The following ZDHHC11B variants were observed in gnomAD, a reference collection of about 807,000 sequenced individuals.
ZDHHC11B encodes probable palmitoyltransferase ZDHHC11B.
A neutral mutation model predicts 42.3 loss-of-function variants in ZDHHC11B; 17 were observed. The observed-to-expected ratio is 0.40, with a 90% CI of 0.27 to 0.60. The LOEUF is 0.60. Ranked by LOEUF, ZDHHC11B falls within the 20% of genes least tolerant of loss-of-function variation. The pLI, the probability that ZDHHC11B is intolerant of heterozygous loss-of-function variation, is 0.41. For synonymous variants in ZDHHC11B, 123 were observed against 193.5 expected, an observed-to-expected ratio of 0.64 and a Z score of 3.02; for missense variants, 262 against 463.2, an observed-to-expected ratio of 0.57 and a Z score of 3.99.
chr5:784,304 G>A (rs1031837946), intron 1 of ZDHHC11B, among the ~76,000 whole-genome samples: 6 of 151,966 alleles, frequency 3.9e-5, no homozygotes, highest in Admixed American at 6.5e-5. Context: ...TTCCAGCCCC[G>A]GGCTGGGCAG....
intron 12 of ZDHHC11B, among the ~76,000 whole-genome samples, chr5:717,114 C>T (rs200552918): frequency 9.4e-4 from 139 of 148,034 alleles, no homozygotes; most frequent in East Asian, 2.9e-3. Context: ...GTGTGCTTTC[C>T]CTGATAAATA....
chr5:725,215 AG>A (rs1742492178), intron 12 of ZDHHC11B, among the ~76,000 whole-genome samples: 1,390 of 134,414 alleles, frequency 0.01, 18 homozygotes, highest in African/African-American at 0.036. Context: ...TCGGAGAACC[AG>A]GAAGGGGCTC....
At chr5:730,677 A>G (rs1313024750) in intron 11 of ZDHHC11B, among the ~76,000 whole-genome samples, 1 of 151,664 alleles carries the variant, frequency 6.6e-6, no homozygotes, top group Non-Finnish European at 1.5e-5. Context: ...TCCTCCTCCA[A>G]ATTCATAGGT....
At position 766,784 on chromosome 5, in the gene ZDHHC11B, A is replaced by G; in HGVS notation, c.136T>C (p.Trp46Arg). 2 of 1,612,664 alleles carry G rather than the reference A, an allele frequency of 1.2e-6. No individual in the cohort carries two copies. Among genetic ancestry groups the G allele is most frequent in the Non-Finnish European group, 1.7e-6 (2 of 1,179,238 alleles). The change falls in exon 4 of 14, where the codon TGG becomes CGG. Residue 46 changes from tryptophan (W) to arginine (R), a missense_variant. Coordinates refer to ENST00000508859, the MANE Select transcript of ZDHHC11B (RefSeq NM_001351303.2). ...LPLHYFRVVT[W>R]AVFVGLSLAT... The stretch of plus-strand genomic sequence containing the variant: ...AAGGAAAGGCCAACGAAGACAGCCC[A>G]AGTCACCACCCGGAAGTAGTGCAGG...
At chr5:737,802 C>T (rs1743708791) in intron 10 of ZDHHC11B, among the ~76,000 whole-genome samples, 1 of 147,868 alleles carries the variant, frequency 6.8e-6, no homozygotes, top group Admixed American at 6.9e-5. Flanking sequence ...GGACATACCT[C>T]AAGGTAATAA....
At chr5:774,430 G>A (rs1344622681) in intron 1 of ZDHHC11B, among the ~76,000 whole-genome samples, 2 of 152,186 alleles carry the variant, frequency 1.3e-5, no homozygotes. Flanking sequence ...ACTTGGGCCA[G>A]GGGGTTCTCA....
At chr5:731,562 T>G (rs1287305811) in intron 11 of ZDHHC11B, among the ~76,000 whole-genome samples, 1 of 151,500 alleles carries the variant, frequency 6.6e-6, no homozygotes, top group Non-Finnish European at 1.5e-5. Context: ...ATTTAAAAAC[T>G]GAGCTGTTGT....
At chr5:757,461 A>G (rs1156433557) in intron 4 of ZDHHC11B, among the ~76,000 whole-genome samples, 1 of 151,878 alleles carries the variant, frequency 6.6e-6, no homozygotes, top group African/African-American at 2.4e-5. Context: ...CAACGTTGGG[A>G]CAGGTTCACT....
intron 10 of ZDHHC11B, 25 bp from the exon 11 acceptor site, chr5:733,864 A>G (rs574924252): frequency 6.3e-7 from 1 of 1,590,446 alleles, no homozygotes; most frequent in African/African-American, 1.4e-5. Flanking sequence ...AGGAGGAGAG[A>G]AACTCATCTC....
intron 12 of ZDHHC11B, among the ~76,000 whole-genome samples, chr5:721,398 C>A (rs1317117520): frequency 1.3e-4 from 20 of 151,608 alleles, no homozygotes; most frequent in African/African-American, 4.6e-4. Flanking sequence ...ATAGATTGAA[C>A]TTTTTAATTA....
intron 4 of ZDHHC11B, among the ~76,000 whole-genome samples, chr5:756,775 G>A (rs1356558572): frequency 6.6e-6 from 1 of 151,636 alleles, no homozygotes; most frequent in Non-Finnish European, 1.5e-5. Context: ...AGGAGCGAGG[G>A]AGCTGCACAA....
At chr5:766,586 G>A (rs1561188748) in intron 4 of ZDHHC11B, 112 bp downstream of exon 4, 12 of 1,192,088 alleles carry the variant, frequency 1.0e-5, no homozygotes, top group Non-Finnish European at 1.3e-5. Context: ...TCTGGCCCAG[G>A]ACAGGTGACT....
intron 1 of ZDHHC11B, among the ~76,000 whole-genome samples, chr5:783,536 G>A (rs1737012476): frequency 6.6e-6 from 1 of 152,254 alleles, no homozygotes; most frequent in Admixed American, 6.5e-5. Context: ...GTCCCCCAGG[G>A]GCCCTGCACG....
chr5:776,803 A>G (rs1351829329), intron 1 of ZDHHC11B, among the ~76,000 whole-genome samples: 1 of 151,888 alleles, frequency 6.6e-6, no homozygotes, highest in East Asian at 1.9e-4. Context: ...AAGGCGGCTC[A>G]GGTCCCATTC....
At chr5:758,205 G>A (rs1332367064) in intron 4 of ZDHHC11B, among the ~76,000 whole-genome samples, 3 of 151,908 alleles carry the variant, frequency 2.0e-5, no homozygotes, top group African/African-American at 7.3e-5. Context: ...TGAGGACAAT[G>A]AGATGAGGCA....
chr5:763,603 A>C (rs1268823955), intron 4 of ZDHHC11B, among the ~76,000 whole-genome samples: 8 of 151,704 alleles, frequency 5.3e-5, no homozygotes, highest in African/African-American at 1.7e-4. Context: ...TGGGAGCAAA[A>C]CGGATGGAGG....
intron 1 of ZDHHC11B, among the ~76,000 whole-genome samples, chr5:778,589 G>A (rs1351146573): frequency 1.3e-5 from 2 of 151,844 alleles, no homozygotes; most frequent in African/African-American, 4.8e-5. Flanking sequence ...GTTACCCTTG[G>A]GGCTCAGGGT....
chr5:718,185 C>T (rs72503630), intron 12 of ZDHHC11B, among the ~76,000 whole-genome samples: 5 of 151,910 alleles, frequency 3.3e-5, no homozygotes, highest in South Asian at 4.2e-4. Context: ...ATGTAGATAA[C>T]TGTGTTGTAA....
In ZDHHC11B at chr5:733,844, T is replaced by C; in HGVS notation, c.936-5A>G. 6.2e-7 allele frequency: 1 copy of C among 1,605,038 alleles called. No individual in the cohort carries two copies. Among genetic ancestry groups the C allele is most frequent in the Non-Finnish European group, 8.5e-7 (1 of 1,177,094 alleles). ...AGGGAGCTCTTGGCCTTGACTCTGG[T>C]GGGACAGGAAGGAGGAGAGAAACTC... On this transcript the variant is annotated splice_polypyrimidine_tract_variant and splice_region_variant and intron_variant, in intron 10 of 13. Coordinates refer to ENST00000508859, the MANE Select transcript of ZDHHC11B (RefSeq NM_001351303.2).
Sources: allele counts gnomAD v4.1 joint callset (sites outside exome capture counted in the v4.1 genomes callset), GRCh38; gene constraint gnomAD v4.1.1; transcripts MANE v1.5; gene names NCBI Gene and HGNC (gene_info 2026-07-23, HGNC 2026-07-21).